SLC24A1: variants seen among roughly 807,000 people sequenced by gnomAD.
SLC24A1 encodes sodium/potassium/calcium exchanger 1.
A neutral mutation model predicts 88.1 loss-of-function variants in SLC24A1; 52 were observed. The ratio of observed to expected loss-of-function variants is 0.59; its 90% CI spans 0.47 to 0.74. SLC24A1 has a LOEUF of 0.74. Among genes scored for constraint, SLC24A1 ranks in the 30% least tolerant of loss-of-function variants. SLC24A1 has a pLI of 0.00. For synonymous variants in SLC24A1, 455 were observed against 498.0 expected (o/e 0.91, Z 1.15); for missense variants, 1,173 against 1,363.3 (o/e 0.86, Z 2.20).
At position 65,654,395 on chromosome 15, in the gene SLC24A1, G is replaced by A; in HGVS notation, c.*316G>A. 8.5e-7 allele frequency: 1 copy of A among 1,178,142 alleles called. No homozygotes were observed. The highest frequency in any genetic ancestry group is 1.1e-6 in the Non-Finnish European group (1 of 948,184). The allele number at this position is 1,178,142 out of a possible 1,614,324, so 73.0% of individuals were successfully genotyped here. ...ATGAGATAACTGGGGGCAAAGGTTG[G>A]GATAGGCGCAGCAGCTATAAGACAA... On this transcript the variant is annotated 3_prime_UTR_variant, in exon 10 of 10. Coordinates refer to ENST00000261892, the MANE Select transcript of SLC24A1 (RefSeq NM_004727.3).
chr15:65,638,273 C>T, intron 3 of SLC24A1, 92 bp downstream of exon 3: 1 of 933,314 alleles, frequency 1.1e-6, no homozygotes, highest in South Asian at 1.4e-5. Context: ...GTGCTGGGGA[C>T]CCTGGCTGTG....
In SLC24A1 at chr15:65,625,153, A is replaced by G. The variant is rs765076828; in HGVS notation, c.1073A>G (p.Lys358Arg). ...CCCAGGACCAGTGTATCAGCCATCA[A>G]AACAGCCCCAGCCATAGTCTGGAGG... is the stretch of plus-strand genomic sequence containing the variant. The part of the protein sequence containing the change: ...PSPRTSVSAI[K>R]TAPAIVWRLA... Residue 358 changes from lysine (K) to arginine (R), a missense_variant, in exon 2 of 10, where the codon AAA becomes AGA. By Grantham distance (26) the Lys-to-Arg change is conservative. Coordinates refer to ENST00000261892, the MANE Select transcript of SLC24A1 (RefSeq NM_004727.3). The G allele has an allele frequency of 4.3e-6, 7 of 1,613,708 alleles. No individual in the cohort carries two copies. Among genetic ancestry groups the G allele is most frequent in the African/African-American group, 1.3e-5 (1 of 74,924 alleles).
upstream of SLC24A1, among the ~76,000 whole-genome samples, chr15:65,617,453 A>G (rs901677993): frequency 2.6e-5 from 4 of 152,126 alleles, no homozygotes; most frequent in Non-Finnish European, 5.9e-5. Flanking sequence ...CATCCCTTGT[A>G]AGTTGTATTC....
At chr15:65,635,334 G>A (rs2074881635) in intron 2 of SLC24A1, among the ~76,000 whole-genome samples, 1 of 151,142 alleles carries the variant, frequency 6.6e-6, no homozygotes, top group South Asian at 2.1e-4. Context: ...ACAAAAATTA[G>A]CTGGGCCTGG....
upstream of SLC24A1, among the ~76,000 whole-genome samples, chr15:65,619,397 T>C (rs2074248599): frequency 6.6e-6 from 1 of 152,186 alleles, no homozygotes; most frequent in Non-Finnish European, 1.5e-5. Flanking sequence ...GGAATACTTA[T>C]TGGTGGGTCA....
intron 4 of SLC24A1, among the ~76,000 whole-genome samples, chr15:65,642,475 A>C (rs1307951085): frequency 6.6e-6 from 1 of 152,168 alleles, no homozygotes; most frequent in African/African-American, 2.4e-5. Flanking sequence ...GATGAGAAGG[A>C]AAGGGGGAAG....
upstream of SLC24A1, among the ~76,000 whole-genome samples, chr15:65,619,497 AG>A (rs1324486107): frequency 2.0e-5 from 3 of 152,138 alleles, no homozygotes; most frequent in African/African-American, 7.2e-5. Flanking sequence ...CGGGACCTAA[AG>A]GCATTAAAAT....
chr15:65,639,570 A>ACTGGGGC, intron 3 of SLC24A1, 25 bp from the exon 4 acceptor site: 1 of 1,515,438 alleles, frequency 6.6e-7, no homozygotes, highest in Non-Finnish European at 9.0e-7. Context: ...ACAGGGGCCC[A>ACTGGGGC]CTGTGCGGCT....
intron 8 of SLC24A1, 97 bp from the exon 9 acceptor site, chr15:65,652,545 T>G: frequency 1.8e-6 from 2 of 1,123,124 alleles, no homozygotes; most frequent in South Asian, 3.0e-5. Flanking sequence ...GTGGCTGAGC[T>G]CCTTAGAAGG....
At position 65,624,312 on chromosome 15, in the gene SLC24A1, A is replaced by T; in HGVS notation, c.232A>T (p.Ser78Cys). 1.2e-6 allele frequency: 2 copies of T among 1,613,792 alleles called. No individual in the cohort carries two copies. Among genetic ancestry groups the T allele is most frequent in the Non-Finnish European group, 1.7e-6 (2 of 1,179,800 alleles). The change falls in exon 2 of 10, where the codon AGC (serine) becomes TGC (cysteine). Residue 78 changes from serine (S) to cysteine (C), a missense_variant. Ser to Cys is a moderately radical substitution (Grantham distance 112, BLOSUM62 -1). Coordinates refer to ENST00000261892, the MANE Select transcript of SLC24A1 (RefSeq NM_004727.3). Reference protein sequence around the residue: ...SSEEMMMMSSSPSKPSSEMGG... With the variant: ...SSEEMMMMSSCPSKPSSEMGG... Reference sequence around the variant, plus strand: ...TGAAGAGATGATGATGATGAGCAGCAGCCCTTCAAAACCTAGCTCCGAAAT... The same window carrying T: ...TGAAGAGATGATGATGATGAGCAGCTGCCCTTCAAAACCTAGCTCCGAAAT...
chr15:65,618,239 A>G (rs2074212375), upstream of SLC24A1, among the ~76,000 whole-genome samples: 1 of 152,178 alleles, frequency 6.6e-6, no homozygotes, highest in Non-Finnish European at 1.5e-5. Flanking sequence ...ATGTGTATGT[A>G]TATACATATT....
intron 6 of SLC24A1, among the ~76,000 whole-genome samples, chr15:65,647,572 T>C (rs963508013): frequency 6.6e-6 from 1 of 151,296 alleles, no homozygotes; most frequent in Non-Finnish European, 1.5e-5. Context: ...ATCCAACTGG[T>C]TGTGGCTGGC....
At chr15:65,623,406 C>T (rs895171520) in intron 1 of SLC24A1, among the ~76,000 whole-genome samples, 8 of 152,158 alleles carry the variant, frequency 5.3e-5, no homozygotes, top group Non-Finnish European at 1.2e-4. Context: ...CTCTGGGAAG[C>T]TCTATAACAT....
At chr15:65,629,092 G>A (rs2074616168) in intron 2 of SLC24A1, among the ~76,000 whole-genome samples, 1 of 152,178 alleles carries the variant, frequency 6.6e-6, no homozygotes. Context: ...ATGGCCACGT[G>A]GTATTTTAGT....
At position 65,624,478 on chromosome 15, in the gene SLC24A1, C is replaced by A. The variant is rs772958253; in HGVS notation, c.398C>A (p.Thr133Lys). 6.2e-7 allele frequency: 1 copy of A among 1,608,982 alleles called. No individual in the cohort carries two copies. Among genetic ancestry groups the A allele is most frequent in the South Asian group, 1.1e-5 (1 of 90,204 alleles). Residue 133 changes from threonine to lysine, a missense_variant, in exon 2 of 10, where the codon ACA (threonine) becomes AAA (lysine). Coordinates refer to ENST00000261892, the MANE Select transcript of SLC24A1 (RefSeq NM_004727.3). ...ACAACCAAGAATAATTACAGCCCAA[C>A]AGCAGCAGGTACAGAAAGAAGGAAG... ...PTTTKNNYSP[T>K]AAGTERRKED...
At position 65,654,707 on chromosome 15, in the gene SLC24A1, C is replaced by A; in HGVS notation, c.*628C>A. 13 of 1,119,702 alleles carry A rather than the reference C, an allele frequency of 1.2e-5. No individual in the cohort carries two copies. The highest frequency in any genetic ancestry group is 1.4e-5 in the South Asian group (1 of 70,280). The allele number at this position is 1,119,702 out of a possible 1,614,324, so 69.4% of individuals were successfully genotyped here. ...GCATCTGGATATATACCAGTATTTT[C>A]TTTTTTTTTTTTTTTGAGACAGAGT... On this transcript the variant is annotated 3_prime_UTR_variant, in exon 10 of 10. Coordinates refer to ENST00000261892, the MANE Select transcript of SLC24A1 (RefSeq NM_004727.3).
At chr15:65,629,862 C>T (rs895294959) in intron 2 of SLC24A1, among the ~76,000 whole-genome samples, 7 of 152,180 alleles carry the variant, frequency 4.6e-5, no homozygotes, top group Admixed American at 2.0e-4. Context: ...AGTTGGGGCT[C>T]CTTTGGAAGC....
At chr15:65,648,041 A>G (rs1370263973) in intron 6 of SLC24A1, among the ~76,000 whole-genome samples, 1 of 152,174 alleles carries the variant, frequency 6.6e-6, no homozygotes, top group African/African-American at 2.4e-5. Flanking sequence ...CGGGCGGATC[A>G]CGAGCTCAGG....
chr15:65,624,251 T>G lies in SLC24A1; in HGVS notation c.171T>G (p.His57Gln). The G allele has an allele frequency of 6.2e-7, 1 of 1,613,878 alleles. No individual in the cohort carries two copies. ...LSSLWAAVSS[H>Q]QPIKLASRDL... ...CATTGTGGGCAGCAGTCTCTTCTCA[T>G]CAGCCTATAAAACTGGCCAGTCGGG... is the stretch of plus-strand genomic sequence containing the variant. The change falls in exon 2 of 10, where the codon CAT becomes CAG. Residue 57 changes from histidine to glutamine, a missense_variant. By Grantham distance (24) the His-to-Gln change is conservative. Coordinates refer to ENST00000261892, the MANE Select transcript of SLC24A1 (RefSeq NM_004727.3).
Sources: allele counts gnomAD v4.1 joint callset (sites outside exome capture counted in the v4.1 genomes callset), GRCh38; gene constraint gnomAD v4.1.1; transcripts MANE v1.5; gene names NCBI Gene and HGNC (gene_info 2026-07-23, HGNC 2026-07-21).